The following CLEC1A variants were observed in gnomAD, a reference collection of about 807,000 sequenced individuals.
CLEC1A encodes C-type lectin-like receptor-1.
Under a neutral mutation model 28.7 loss-of-function variants are expected in CLEC1A, and 34 were observed. That is an observed-to-expected ratio of 1.18 (90% CI 0.90 to 1.57). The LOEUF (loss-of-function observed/expected upper bound fraction) is 1.57, where lower values mean the gene tolerates loss of function less well. Among genes scored for constraint, CLEC1A ranks in the 40% most tolerant of loss-of-function variants. The pLI is 0.00. For synonymous variants in CLEC1A, 116 were observed against 121.0 expected, an observed-to-expected ratio of 0.96 and a Z score of 0.27; for missense variants, 385 against 339.5, an observed-to-expected ratio of 1.13 and a Z score of -1.05.
chr12:10,091,058 C>T (rs1458361957), intron 1 of CLEC1A, among the ~76,000 whole-genome samples: 5 of 152,186 alleles, frequency 3.3e-5, no homozygotes, highest in Admixed American at 3.3e-4. Flanking sequence ...TCTGCCTCTG[C>T]ATTAATTTCA....
At chr12:10,077,662 A>T (rs1455208639) in intron 3 of CLEC1A, among the ~76,000 whole-genome samples, 1 of 152,254 alleles carries the variant, frequency 6.6e-6, no homozygotes, top group Non-Finnish European at 1.5e-5. Context: ...ATCAATAAAC[A>T]ATAATGTTCA....
Position 10,075,582 on chromosome 12 carries a change from G to C in CLEC1A, c.465C>G (p.Ser155Arg). 6.2e-7 allele frequency: 1 copy of C among 1,613,834 alleles called. No homozygotes were observed. Among genetic ancestry groups the C allele is most frequent in the Non-Finnish European group, 8.5e-7 (1 of 1,179,832 alleles). The change falls in exon 4 of 6, where the codon AGC becomes AGG. Residue 155 changes from serine to arginine, a missense_variant. Transcript: ENST00000315330. ...AATATTTACAGTCCTCCCAACTTTT[G>C]CTGTCTTTATAGAACTGGTAGCAAT... ...GDNCYQFYKD[S>R]KSWEDCKYFC...
Position 10,073,311 on chromosome 12 carries a change from G to A in CLEC1A, c.644C>T (p.Thr215Ile), listed in dbSNP as rs370635138. 2.5e-5 allele frequency: 40 copies of A among 1,611,852 alleles called. No homozygotes were observed. Among genetic ancestry groups the A allele is most frequent in the Non-Finnish European group, 3.2e-5 (38 of 1,178,080 alleles). The change falls in exon 5 of 6, where the codon ACC (threonine) becomes ATC (isoleucine). Residue 215 changes from threonine (T) to isoleucine (I), a missense_variant. Coordinates refer to ENST00000315330, the MANE Select transcript of CLEC1A (RefSeq NM_016511.4). The stretch of plus-strand genomic sequence containing the variant: ...GGCTTACAGTTCAGAAGTGAAAGGG[G>A]TTCCATCCATCCACAGCCAGGCCTT... Reference protein sequence around the residue: ...SGKAWLWMDGTPFTSELFHII... With the variant: ...SGKAWLWMDGIPFTSELFHII...
At chr12:10,083,822 A>G (rs1490036087) in intron 2 of CLEC1A, among the ~76,000 whole-genome samples, 1 of 152,200 alleles carries the variant, frequency 6.6e-6, no homozygotes, top group Non-Finnish European at 1.5e-5. Flanking sequence ...AAAATTATCC[A>G]GAGAAATAAA....
chr12:10,090,944 T>C (rs1041942229), intron 1 of CLEC1A, among the ~76,000 whole-genome samples: 5 of 152,210 alleles, frequency 3.3e-5, no homozygotes, highest in Non-Finnish European at 5.9e-5. Flanking sequence ...TTCATGCCTT[T>C]CTGAACTATT....
chr12:10,075,368 A>G (rs1328194418), intron 4 of CLEC1A, 136 bp downstream of exon 4: 7 of 821,692 alleles, frequency 8.5e-6, no homozygotes, highest in Non-Finnish European at 1.3e-5. Context: ...AGCAATAGGA[A>G]TAAGACTCAG....
chr12:10,096,984 T>C (rs1190774966), intron 1 of CLEC1A, among the ~76,000 whole-genome samples: 1 of 152,174 alleles, frequency 6.6e-6, no homozygotes, highest in Non-Finnish European at 1.5e-5. Flanking sequence ...TACTCCTTAG[T>C]TGAGAATTGT....
At chr12:10,082,228 G>A (rs1315044677) in intron 2 of CLEC1A, among the ~76,000 whole-genome samples, 4 of 152,202 alleles carry the variant, frequency 2.6e-5, no homozygotes, top group Non-Finnish European at 4.4e-5. Flanking sequence ...GTGGGAAGGT[G>A]GGGAGCGGCG....
chr12:10,089,227 A>G lies in CLEC1A; in HGVS notation c.116-5T>C. The G allele has an allele frequency of 1.2e-6, 2 of 1,612,236 alleles. No homozygotes were observed. The highest frequency in any genetic ancestry group is 1.7e-6 in the Non-Finnish European group (2 of 1,178,404). On this transcript the variant is annotated splice_polypyrimidine_tract_variant and splice_region_variant and intron_variant, in intron 1 of 5. Coordinates refer to ENST00000315330, the MANE Select transcript of CLEC1A (RefSeq NM_016511.4). The stretch of plus-strand genomic sequence containing the variant: ...TTGAAGAGGGAGCCCTGTGCTCTGC[A>G]GGGAACAGAAGAGAAAGCAGAGTTT...
rs1033915640 is a variant in CLEC1A, at chr12:10,096,348, C to T, written c.115+2460G>A. 5.9e-5 allele frequency among the ~76,000 whole-genome samples: 9 copies of T among 152,252 alleles called. No homozygotes were observed. The East Asian group carries it at 7.7e-4, about 13-fold the overall frequency. Reference sequence around the variant, plus strand: ...TGTCTCCTCACATGTAACCAATCACCGATTATCTAAACTCCAACACCTCGA... The same window carrying T: ...TGTCTCCTCACATGTAACCAATCACTGATTATCTAAACTCCAACACCTCGA... On this transcript the variant is annotated intron_variant, in intron 1 of 5. Coordinates refer to ENST00000315330, the MANE Select transcript of CLEC1A (RefSeq NM_016511.4).
intron 1 of CLEC1A, among the ~76,000 whole-genome samples, chr12:10,093,373 G>GA (rs3052137): frequency 0.013 from 1,759 of 130,706 alleles, 40 homozygotes; most frequent in African/African-American, 0.045. Flanking sequence ...GATATATATA[G>GA]AAAAAAAAAA....
Position 10,075,632 on chromosome 12 carries a change from C to G in CLEC1A, c.415G>C (p.Glu139Gln), listed in dbSNP as rs1198149541. ...TTGTCTCCATGCCATTTCCATTGTTCTGTACAAGGGCTGCACCTGTGTGCT... is the reference window on the plus strand; with the variant it reads ...TTGTCTCCATGCCATTTCCATTGTTGTGTACAAGGGCTGCACCTGTGTGCT... ...AGAHRCSPCT[E>Q]QWKWHGDNCY... is the part of the protein sequence containing the mutation. The change falls in exon 4 of 6, where the codon GAA becomes CAA. Residue 139 changes from glutamate to glutamine, a missense_variant. Transcript: ENST00000315330. The G allele has an allele frequency of 6.2e-7, 1 of 1,613,852 alleles. No homozygotes were observed. The highest frequency in any genetic ancestry group is 1.1e-5 in the South Asian group (1 of 91,078).
chr12:10,084,831 A>AAAAAG (rs1286581333), intron 2 of CLEC1A, among the ~76,000 whole-genome samples: 2 of 103,690 alleles, frequency 1.9e-5, no homozygotes, highest in East Asian at 2.0e-4. Flanking sequence ...CAAAAAAAAA[A>AAAAAG]AAAAAAAAAA....
intron 2 of CLEC1A, among the ~76,000 whole-genome samples, chr12:10,087,401 T>C (rs1776942828): frequency 7.0e-6 from 1 of 142,672 alleles, no homozygotes; most frequent in Non-Finnish European, 1.5e-5. Flanking sequence ...AAAAAGCATT[T>C]GACAAAATCC....
chr12:10,087,760 C>T (rs7980213), intron 2 of CLEC1A, among the ~76,000 whole-genome samples: 107,695 of 149,890 alleles, frequency 0.72, 41,363 homozygotes, highest in Non-Finnish European at 0.88. Context: ...TGACCTCAAG[C>T]GATTCGCCCG....
At chr12:10,092,703 T>G (rs889008966) in intron 1 of CLEC1A, among the ~76,000 whole-genome samples, 2 of 152,140 alleles carry the variant, frequency 1.3e-5, no homozygotes, top group East Asian at 3.9e-4. Flanking sequence ...GGCCTGGACT[T>G]TAGAAATCAG....
At chr12:10,086,798 C>G (rs913341259) in intron 2 of CLEC1A, among the ~76,000 whole-genome samples, 1 of 152,126 alleles carries the variant, frequency 6.6e-6, no homozygotes, top group African/African-American at 2.4e-5. Context: ...TTCCCTAAAT[C>G]ATTCTATGAA....
intron 3 of CLEC1A, 149 bp downstream of exon 3, chr12:10,081,088 C>G: frequency 1.7e-6 from 1 of 605,376 alleles, no homozygotes; most frequent in Non-Finnish European, 2.8e-6. Context: ...CACATGATCC[C>G]AACAACTGAT....
Position 10,089,194 on chromosome 12 carries a change from T to A in CLEC1A, c.144A>T (p.Arg48=), listed in dbSNP as rs1866563302. 1 of 1,614,028 alleles carries A rather than the reference T, an allele frequency of 6.2e-7. No homozygotes were observed. The highest frequency in any genetic ancestry group is 8.5e-7 in the Non-Finnish European group (1 of 1,179,922). Reference sequence around the variant, plus strand: ...AAGTCAGCAGGGTCAGGGCCACTGGTCGCCACGTTGAAGAGGGAGCCCTGT... The same window carrying A: ...AAGTCAGCAGGGTCAGGGCCACTGGACGCCACGTTGAAGAGGGAGCCCTGT... ...TEHRAPSSTW[R]PVALTLLTLC... Residue 48 remains arginine, a synonymous_variant, in exon 2 of 6, where the codon CGA becomes CGT. Transcript: ENST00000315330.
Sources: allele counts gnomAD v4.1 joint callset (sites outside exome capture counted in the v4.1 genomes callset), GRCh38; gene constraint gnomAD v4.1.1; transcripts MANE v1.5; gene names NCBI Gene and HGNC (gene_info 2026-07-23, HGNC 2026-07-21).